GRIP2: variants seen among roughly 807,000 people sequenced by gnomAD.
GRIP2 encodes the protein glutamate receptor-interacting protein 2.
In GRIP2, 58 loss-of-function variants were observed where a neutral mutation model predicts 108.3. The observed-to-expected ratio is 0.54, with a 90% confidence interval of 0.43 to 0.67. The LOEUF is 0.67. GRIP2 is among the 30% of genes least tolerant of loss of function. The pLI is 0.00. For missense variants in GRIP2, 1,278 were observed against 1,430.6 expected, an observed-to-expected ratio of 0.89 and a Z score of 1.72; for synonymous variants, 586 against 598.2, an observed-to-expected ratio of 0.98 and a Z score of 0.30.
the GRIP2 span, chr3:14,574,033 C>G: frequency 1.3e-6 from 2 of 1,488,174 alleles, no homozygotes; most frequent in Non-Finnish European, 1.9e-6. Flanking sequence ...GAGCTGGGCC[C>G]GATCCAGAAG....
upstream of GRIP2, among the ~76,000 whole-genome samples, chr3:14,544,519 A>G (rs547627838): frequency 2.6e-5 from 4 of 152,326 alleles, no homozygotes; most frequent in African/African-American, 9.6e-5. Flanking sequence ...TCCAGGGCTG[A>G]GTCCGTCATA....
At chr3:14,600,486 A>G in the GRIP2 span, among the ~76,000 whole-genome samples, 1 of 152,084 alleles carries the variant, frequency 6.6e-6, no homozygotes, top group South Asian at 2.1e-4. Flanking sequence ...CTTCAAGCCC[A>G]CTCCTCTTTG....
At chr3:14,574,197 G>A in the GRIP2 span, 1 of 874,246 alleles carries the variant, frequency 1.1e-6, no homozygotes, top group South Asian at 1.3e-5. Flanking sequence ...GAGCCAGTGG[G>A]TGAAGAAGGG....
chr3:14,513,126 G>T (rs1694147331), intron 13 of GRIP2, among the ~76,000 whole-genome samples: 1 of 152,132 alleles, frequency 6.6e-6, no homozygotes, highest in Non-Finnish European at 1.5e-5. Flanking sequence ...CGGGAAGGGA[G>T]CTCCCCACAG....
upstream of GRIP2, chr3:14,542,154 TTTTTTTTA>T: frequency 1.0e-6 from 1 of 976,412 alleles, no homozygotes; most frequent in Non-Finnish European, 1.4e-6. Context: ...TTATTTTTTA[TTTTTTTTA>T]TTTTTTTTTG....
At chr3:14,559,056 G>T (rs1695280078), upstream of GRIP2, among the ~76,000 whole-genome samples, 1 of 152,310 alleles carries the variant, frequency 6.6e-6, no homozygotes, top group East Asian at 1.9e-4. Flanking sequence ...GGTGTGGGCT[G>T]TGGAGCCAGC....
the GRIP2 span, among the ~76,000 whole-genome samples, chr3:14,591,427 G>A: frequency 2.6e-5 from 4 of 152,086 alleles, no homozygotes; most frequent in African/African-American, 4.8e-5. Flanking sequence ...CGCATCTTTG[G>A]GCAATTGACT....
At chr3:14,554,521 T>G (rs1695203478) in intron 1 of GRIP2, among the ~76,000 whole-genome samples, 1 of 152,016 alleles carries the variant, frequency 6.6e-6, no homozygotes, top group East Asian at 1.9e-4. Flanking sequence ...AGAGGCCTGT[T>G]CCTGATGTTC....
At chr3:14,516,880 C>T (rs1358523512) in intron 11 of GRIP2, among the ~76,000 whole-genome samples, 184 bp downstream of exon 11, 1 of 152,150 alleles carries the variant, frequency 6.6e-6, no homozygotes, top group East Asian at 1.9e-4. Context: ...TCCTCTTGAG[C>T]AGTGCACAAC....
chr3:14,508,111 T>C (rs1354520951), intron 17 of GRIP2, among the ~76,000 whole-genome samples: 1 of 152,226 alleles, frequency 6.6e-6, no homozygotes. Context: ...ATGAACGGAA[T>C]GGATTCCTAC....
At position 14,511,486 on chromosome 3, in the gene GRIP2, A is replaced by G. The variant is rs4685168; in HGVS notation, c.1721-7T>C. 1,205,937 of 1,612,006 alleles carry G rather than the reference A, an allele frequency of 0.75. 452,945 individuals are homozygous for G. Among genetic ancestry groups the G allele is most frequent in the South Asian group, 0.87 (79,413 of 90,998 alleles). The stretch of plus-strand genomic sequence containing the variant: ...CCTCGTTTCCTGCTGGCCGCTGGAG[A>G]AAAAGAGGCCATGAATCTGACCTTG... On this transcript the variant is annotated splice_region_variant and splice_polypyrimidine_tract_variant and intron_variant, in intron 14 of 23. Coordinates refer to ENST00000621039, the MANE Select transcript of GRIP2 (RefSeq NM_001080423.4). The surrounding 1 kb of genome is among the most constrained non-coding windows in gnomAD (Gnocchi z 4.1).
At chr3:14,554,383 C>A (rs778256436) in intron 1 of GRIP2, among the ~76,000 whole-genome samples, 7 of 152,220 alleles carry the variant, frequency 4.6e-5, no homozygotes, top group African/African-American at 1.4e-4. Flanking sequence ...TCTGTCCCTC[C>A]AGCCTGGGAG....
the GRIP2 span, among the ~76,000 whole-genome samples, chr3:14,584,620 G>A: frequency 6.6e-6 from 1 of 152,212 alleles, no homozygotes; most frequent in African/African-American, 2.4e-5. Context: ...CGCGGACTAT[G>A]GGCGGAGGAG....
At chr3:14,538,080 GC>G (rs1282557416) in intron 1 of GRIP2, among the ~76,000 whole-genome samples, 4 of 151,912 alleles carry the variant, frequency 2.6e-5, no homozygotes, top group Non-Finnish European at 4.4e-5. Flanking sequence ...AGGGTGTGGG[GC>G]CTGAGAAGGG....
intron 4 of GRIP2, chr3:14,524,101 C>G: frequency 1.9e-6 from 1 of 526,826 alleles, no homozygotes; most frequent in Non-Finnish European, 3.4e-6. Context: ...CGTGGTAGGT[C>G]AGGGAACGAC....
At chr3:14,560,729 G>T (rs906654433), upstream of GRIP2, among the ~76,000 whole-genome samples, 1 of 152,160 alleles carries the variant, frequency 6.6e-6, no homozygotes, top group Non-Finnish European at 1.5e-5. Flanking sequence ...CTGAAGTTGG[G>T]TATCCCTTTT....
chr3:14,525,757 C>A (rs1694537576), intron 2 of GRIP2, 94 bp downstream of exon 2: 4 of 1,352,888 alleles, frequency 3.0e-6, no homozygotes, highest in Non-Finnish European at 4.1e-6. Context: ...GGTCACAGAG[C>A]AAGTCAGTGG....
chr3:14,489,142 C>T lies in GRIP2; in HGVS notation c.*4523G>A, dbSNP rs1701262594. 6.6e-6 allele frequency: 1 copy of T among 152,306 alleles called. No homozygotes were observed. The highest frequency in any genetic ancestry group is 1.5e-5 in the Non-Finnish European group (1 of 68,010). 9.4% of individuals were successfully genotyped at this position (152,306 alleles called of 1,614,324 possible). A position where few individuals can be genotyped will look rare whatever the true frequency, so the allele number is the denominator to read the frequency against. On this transcript the variant is annotated 3_prime_UTR_variant, in exon 24 of 24. Transcript: ENST00000621039. ...AGGAACATTTGTATTTGAACAAGAT[C>T]CTTGGTGTGTAGTTCAGTCTTGCAG...
Position 14,521,990 on chromosome 3 carries a change from G to T in GRIP2, c.567-203C>A, listed in dbSNP as rs111757705. The T allele has an allele frequency of 3.7e-3, 2,074 of 553,458 alleles. 37 individuals carry two copies. Among genetic ancestry groups the T allele is most frequent in the African/African-American group, 0.035 (1,823 of 51,942 alleles). 34.3% of individuals were successfully genotyped at this position (553,458 alleles called of 1,614,324 possible). On this transcript the variant is annotated intron_variant, in intron 6 of 23. Coordinates refer to ENST00000621039, the MANE Select transcript of GRIP2 (RefSeq NM_001080423.4). This position sits in a 1 kb window ranked among gnomAD's most constrained non-coding sequence, Gnocchi z 5.1. ...GGAGTGGGGAGCTGCATAAAGCAAGGGGGGGATGAAGACAGGATGGGGTGG... is the reference window on the plus strand; with the variant it reads ...GGAGTGGGGAGCTGCATAAAGCAAGTGGGGGATGAAGACAGGATGGGGTGG...
Sources: gnomAD v4.1 joint callset for allele counts (sites outside exome capture counted in the v4.1 genomes callset) on GRCh38, gnomAD v4.1.1 for gene constraint, Gnocchi (gnomAD v3.1) non-coding constraint, MANE v1.5 for transcripts, NCBI Gene and HGNC (gene_info 2026-07-23, HGNC 2026-07-21) for gene names.